The following DIP2A variants were observed in gnomAD, a reference collection of about 807,000 sequenced individuals.
The protein encoded by DIP2A is disco-interacting protein 2 homolog A.
Under a neutral mutation model 177.4 loss-of-function variants are expected in DIP2A, and 85 were observed. That is an observed-to-expected ratio of 0.48 (90% CI 0.40 to 0.57). The LOEUF is 0.57. DIP2A is among the 20% of genes least tolerant of loss of function. The pLI is 0.00. For synonymous variants in DIP2A, 886 were observed against 881.8 expected (o/e 1.00, Z -0.08); for missense variants, 1,791 against 2,100.2 (o/e 0.85, Z 2.88).
At chr21:46,546,456 C>A (rs1238046653) in intron 20 of DIP2A, 1 of 288,926 alleles carries the variant, frequency 3.5e-6, no homozygotes, top group Non-Finnish European at 5.2e-6. Context: ...GCCAGAGATG[C>A]TGCTCAGTGT....
intron 22 of DIP2A, 111 bp from the exon 23 acceptor site, chr21:46,550,432 C>T (rs1225681231): frequency 2.0e-6 from 2 of 1,023,724 alleles, no homozygotes; most frequent in East Asian, 5.2e-5. Flanking sequence ...GAGGGCATTC[C>T]ATTTCCTGGC....
At chr21:46,506,778 TTTTC>T (rs1568994943) in intron 6 of DIP2A, among the ~76,000 whole-genome samples, 1,978 of 127,646 alleles carry the variant, frequency 0.015, 23 homozygotes, top group Non-Finnish European at 0.028. Context: ...CTTTCTTTTC[TTTTC>T]TTTCTTTTCT....
At chr21:46,553,486 C>T (rs1944945155) in intron 25 of DIP2A, 1 of 152,392 alleles carries the variant, frequency 6.6e-6, no homozygotes, top group African/African-American at 2.4e-5. Flanking sequence ...TTGCCTTGAA[C>T]TGGTCACATA....
Position 46,551,713 on chromosome 21 carries a change from C to G in DIP2A, c.2919C>G (p.Ala973=), listed in dbSNP as rs748940462. The part of the protein sequence containing the change: ...RIAQASGREL[A]HLEDSDQARK... ...CTCAGGCTTCCGGGAGAGAGCTCGC[C>G]CACCTGGAGGACAGCGACCAGGCAC... Residue 973 remains alanine (A), a synonymous_variant, in exon 24 of 38, where the codon GCC becomes GCG. Transcript: ENST00000417564. The G allele has an allele frequency of 6.2e-7, 1 of 1,613,966 alleles. No individual in the cohort carries two copies. Among genetic ancestry groups the G allele is most frequent in the South Asian group, 1.1e-5 (1 of 91,078 alleles).
At chr21:46,566,797 C>T in intron 37 of DIP2A, 114 bp downstream of exon 37, 2 of 1,370,044 alleles carry the variant, frequency 1.5e-6, no homozygotes, top group Non-Finnish European at 1.0e-6. Flanking sequence ...GGGCACAGGC[C>T]TCCTGCATTG....
chr21:46,462,747 G>A (rs2054430684), intron 1 of DIP2A: 2 of 151,082 alleles, frequency 1.3e-5, no homozygotes, highest in Non-Finnish European at 2.9e-5. Context: ...CAAAGATGCT[G>A]TCTTCAACAG....
At chr21:46,532,070 A>G in intron 9 of DIP2A, 57 bp from the exon 10 acceptor site, 1 of 1,492,886 alleles carries the variant, frequency 6.7e-7, no homozygotes, top group South Asian at 1.2e-5. Context: ...CTTTTAATTT[A>G]ACTAGATATT....
chr21:46,514,262 G>A (rs935095121), intron 8 of DIP2A, among the ~76,000 whole-genome samples: 7 of 152,000 alleles, frequency 4.6e-5, no homozygotes, highest in African/African-American at 1.7e-4. Flanking sequence ...GTGAAACCCC[G>A]TCTCTACTAA....
chr21:46,500,639 G>A (rs181052352), intron 5 of DIP2A, among the ~76,000 whole-genome samples: 5 of 152,320 alleles, frequency 3.3e-5, no homozygotes, highest in African/African-American at 1.2e-4. Context: ...CCATTGCTGA[G>A]TCATCTCAAC....
chr21:46,484,294 A>G (rs1307213711), intron 1 of DIP2A, among the ~76,000 whole-genome samples: 1 of 152,238 alleles, frequency 6.6e-6, no homozygotes, highest in Non-Finnish European at 1.5e-5. Context: ...TACACACAGT[A>G]AAATTCACCC....
intron 8 of DIP2A, among the ~76,000 whole-genome samples, chr21:46,514,807 G>A (rs148359285): frequency 8.0e-4 from 122 of 151,918 alleles, no homozygotes; most frequent in African/African-American, 2.8e-3. Flanking sequence ...GAAACTGTCA[G>A]ATTAAGAACG....
intron 17 of DIP2A, among the ~76,000 whole-genome samples, chr21:46,540,480 G>T (rs2059768076): frequency 6.6e-6 from 1 of 152,046 alleles, no homozygotes; most frequent in Non-Finnish European, 1.5e-5. Context: ...CCTGCAGACT[G>T]CCCTGAGTGT....
intron 8 of DIP2A, among the ~76,000 whole-genome samples, chr21:46,519,855 A>ATTTTTTTTTTTTTTTTTTT (rs59574579): frequency 1.9e-5 from 1 of 53,018 alleles, no homozygotes. Flanking sequence ...ATTGATCTAG[A>ATTTTTTTTTTTTTTTTTTT]TTTTTTTTTT....
intron 1 of DIP2A, among the ~76,000 whole-genome samples, chr21:46,481,055 A>G (rs1039656795): frequency 6.6e-6 from 1 of 152,086 alleles, no homozygotes; most frequent in Admixed American, 6.6e-5. Flanking sequence ...CGAGACCCTG[A>G]CTCTAAAACA....
At chr21:46,494,531 T>C (rs1306161597) in intron 3 of DIP2A, among the ~76,000 whole-genome samples, 1 of 152,236 alleles carries the variant, frequency 6.6e-6, no homozygotes, top group East Asian at 1.9e-4. Flanking sequence ...ATTCTGACAT[T>C]CCTTCTTCAC....
intron 13 of DIP2A, among the ~76,000 whole-genome samples, chr21:46,535,287 C>T (rs2059518911): frequency 6.6e-6 from 1 of 151,100 alleles, no homozygotes; most frequent in South Asian, 2.1e-4. Context: ...TTGATAAGTA[C>T]TAATTGTATA....
At chr21:46,580,604 C>T in the DIP2A span, among the ~76,000 whole-genome samples, 1 of 152,158 alleles carries the variant, frequency 6.6e-6, no homozygotes, top group Non-Finnish European at 1.5e-5. Context: ...TTCCATATTT[C>T]ATGCTATCTT....
chr21:46,463,128 G>A (rs1432598090), intron 1 of DIP2A: 3 of 152,184 alleles, frequency 2.0e-5, no homozygotes, highest in African/African-American at 7.2e-5. Context: ...ACTCTTCTTA[G>A]ACCCCCTGCC....
intron 33 of DIP2A, 184 bp from the exon 34 acceptor site, chr21:46,561,564 C>T (rs1259540803): frequency 1.3e-6 from 1 of 781,080 alleles, no homozygotes; most frequent in African/African-American, 1.7e-5. Flanking sequence ...GGTGGCGGCA[C>T]TTGGGACCGC....
Sources: allele counts gnomAD v4.1 joint callset (sites outside exome capture counted in the v4.1 genomes callset), GRCh38; gene constraint gnomAD v4.1.1; transcripts MANE v1.5; gene names NCBI Gene and HGNC (gene_info 2026-07-23, HGNC 2026-07-21).